The following EML6 variants were observed in gnomAD, a reference collection of about 807,000 sequenced individuals.
EML6 encodes EMAP like 6.
A neutral mutation model predicts 240.1 loss-of-function variants in EML6; 154 were observed. The observed-to-expected ratio is 0.64, with a 90% CI of 0.56 to 0.73. The LOEUF is 0.73. EML6 is among the 30% of genes least tolerant of loss of function. EML6 has a pLI of 0.00. For missense variants in EML6, 2,964 were observed against 2,474.6 expected (o/e 1.20, Z -4.20); for synonymous variants, 1,148 against 899.0 (o/e 1.28, Z -4.95).
chr2:54,834,294 T>A (rs1669021568), intron 7 of EML6, among the ~76,000 whole-genome samples: 2 of 152,200 alleles, frequency 1.3e-5, no homozygotes, highest in Non-Finnish European at 2.9e-5. Flanking sequence ...CTGATCACTT[T>A]TAAAACACAT....
At chr2:54,762,907 C>A (rs574235213) in intron 2 of EML6, among the ~76,000 whole-genome samples, 5 of 152,152 alleles carry the variant, frequency 3.3e-5, no homozygotes, top group Admixed American at 3.3e-4. Flanking sequence ...ACCTTTTCAG[C>A]AGATGGAGCT....
At chr2:54,729,255 C>G (rs1055783444) in intron 2 of EML6, among the ~76,000 whole-genome samples, 1 of 152,356 alleles carries the variant, frequency 6.6e-6, no homozygotes, top group Admixed American at 6.5e-5. Flanking sequence ...AGTCTCACCT[C>G]TCCCATGAGA....
rs112651530 is a variant in EML6, at chr2:54,751,001, T to C, written c.197+25743T>C. On this transcript the variant is annotated intron_variant, in intron 2 of 41. Coordinates refer to ENST00000356458, the MANE Select transcript of EML6 (RefSeq NM_001039753.4). ...GTTGAGCTTACTAAAACAATATGTA[T>C]TTCAAAGTGGTAGTTACAAGAAAGC... Among the ~76,000 whole-genome samples the C allele has an allele frequency of 3.6e-3, 552 of 152,302 alleles. 6 individuals are homozygous for C. Among genetic ancestry groups the C allele is most frequent in the African/African-American group, 0.013 (525 of 41,558 alleles).
At position 54,892,615 on chromosome 2, in the gene EML6, G is replaced by A. The variant is rs1395175356; in HGVS notation, c.2701G>A (p.Ala901Thr). 8 of 1,551,662 alleles carry A rather than the reference G, an allele frequency of 5.2e-6. No homozygotes were observed. The highest frequency in any genetic ancestry group is 2.4e-5 in the East Asian group (1 of 40,918). ...KDILLLKTVK[A>T]HDGPVFAMYA... is the part of the protein sequence containing the mutation. Reference sequence around the variant, plus strand: ...CATTCTACTACTGAAGACAGTGAAAGCTCATGATGGGCCTGTGTTTGCTAT... The same window carrying A: ...CATTCTACTACTGAAGACAGTGAAAACTCATGATGGGCCTGTGTTTGCTAT... Residue 901 changes from alanine (A) to threonine (T), a missense_variant, in exon 19 of 42, where the codon GCT becomes ACT. By Grantham distance (58) the Ala-to-Thr change is moderately conservative. Coordinates refer to ENST00000356458, the MANE Select transcript of EML6 (RefSeq NM_001039753.4).
chr2:54,771,629 C>T (rs563680786), intron 2 of EML6, among the ~76,000 whole-genome samples: 4 of 152,352 alleles, frequency 2.6e-5, no homozygotes, highest in African/African-American at 9.6e-5. Context: ...GTAGCTATCA[C>T]ATATGTGTGT....
At chr2:54,820,306 T>G (rs567713701) in intron 4 of EML6, 88 bp from the exon 5 acceptor site, 1 of 742,478 alleles carries the variant, frequency 1.3e-6, no homozygotes. Flanking sequence ...CTAAATGTTA[T>G]AGTAGAGTCT....
At chr2:54,736,207 C>T (rs1280961512) in intron 2 of EML6, among the ~76,000 whole-genome samples, 1 of 152,222 alleles carries the variant, frequency 6.6e-6, no homozygotes, top group Non-Finnish European at 1.5e-5. Flanking sequence ...CCAGTGAGTT[C>T]ATTTAAACAA....
intron 7 of EML6, among the ~76,000 whole-genome samples, chr2:54,842,329 T>A (rs1669503947): frequency 6.6e-6 from 1 of 152,236 alleles, no homozygotes; most frequent in Admixed American, 6.5e-5. Flanking sequence ...AACTATTTAG[T>A]AGGTCTTTCA....
intron 26 of EML6, among the ~76,000 whole-genome samples, chr2:54,918,715 C>G (rs919774315): frequency 6.6e-6 from 1 of 152,170 alleles, no homozygotes; most frequent in Non-Finnish European, 1.5e-5. Flanking sequence ...AAATTTACCC[C>G]CCTGTACAGT....
chr2:54,866,700 A>T, intron 13 of EML6, 66 bp from the exon 14 acceptor site: 1 of 811,416 alleles, frequency 1.2e-6, no homozygotes, highest in Non-Finnish European at 2.0e-6. Context: ...CAAGAATGTC[A>T]AGATGCTGAT....
At chr2:54,735,242 G>A (rs997181266) in intron 2 of EML6, among the ~76,000 whole-genome samples, 7 of 152,168 alleles carry the variant, frequency 4.6e-5, no homozygotes, top group African/African-American at 1.4e-4. Flanking sequence ...TCATTGCATC[G>A]TGTTGCATTT....
intron 16 of EML6, among the ~76,000 whole-genome samples, chr2:54,874,984 TCTC>T (rs1008109762): frequency 1.3e-5 from 2 of 152,030 alleles, no homozygotes; most frequent in African/African-American, 4.8e-5. Context: ...TGCCAGGAGT[TCTC>T]CTAGGTGTCA....
At chr2:54,845,620 G>T (rs994395391) in intron 8 of EML6, among the ~76,000 whole-genome samples, 1 of 152,194 alleles carries the variant, frequency 6.6e-6, no homozygotes, top group African/African-American at 2.4e-5. Context: ...AGGAGTGATG[G>T]TTTCTTTACT....
At chr2:54,831,600 C>T (rs1425208907) in intron 7 of EML6, among the ~76,000 whole-genome samples, 2 of 152,190 alleles carry the variant, frequency 1.3e-5, no homozygotes, top group South Asian at 2.1e-4. Flanking sequence ...ACTGGGAACC[C>T]GAAACAAGCC....
At chr2:54,963,316 C>T (rs865970234) in intron 36 of EML6, among the ~76,000 whole-genome samples, 22 of 152,318 alleles carry the variant, frequency 1.4e-4, no homozygotes, top group African/African-American at 4.8e-4. Context: ...GGTTGCTAGA[C>T]TTTTAAGTTA....
At chr2:54,770,439 T>C (rs1572876770) in intron 2 of EML6, among the ~76,000 whole-genome samples, 1 of 152,232 alleles carries the variant, frequency 6.6e-6, no homozygotes, top group Non-Finnish European at 1.5e-5. Flanking sequence ...CATTTGGTCA[T>C]TGACCTTAAA....
chr2:54,759,803 C>G (rs141070902), intron 2 of EML6, among the ~76,000 whole-genome samples: 16 of 151,714 alleles, frequency 1.1e-4, no homozygotes, highest in African/African-American at 3.9e-4. Flanking sequence ...TAAGGTGATC[C>G]AAGAGTGAAG....
chr2:54,774,066 A>G lies in EML6; in HGVS notation c.198-39166A>G, dbSNP rs1464411234. Among the ~76,000 whole-genome samples, 3 of 152,180 alleles carry G rather than the reference A, an allele frequency of 2.0e-5. No homozygotes were observed. The highest frequency in any genetic ancestry group is 4.4e-5 in the Non-Finnish European group (3 of 68,030). On this transcript the variant is annotated intron_variant, in intron 2 of 41. Coordinates refer to ENST00000356458, the MANE Select transcript of EML6 (RefSeq NM_001039753.4). This position sits in a 1 kb window ranked among gnomAD's most constrained non-coding sequence, Gnocchi z 4.1. ...GGCACTGCTAAGAACACTTCCTGGA[A>G]GTTGCACACATGACTTCCATTTTCA...
At position 54,971,617 on chromosome 2, in the gene EML6, A is replaced by G. The variant is rs532039244; in HGVS notation, c.*1522A>G. Reference sequence around the variant, plus strand: ...ATATGCCAATTTACTAATGCCTTACATCAATCCACTAATAGGTTGTTGGGC... The same window carrying G: ...ATATGCCAATTTACTAATGCCTTACGTCAATCCACTAATAGGTTGTTGGGC... On this transcript the variant is annotated 3_prime_UTR_variant, in exon 42 of 42. Coordinates refer to ENST00000356458, the MANE Select transcript of EML6 (RefSeq NM_001039753.4). 6.6e-6 allele frequency: 1 copy of G among 152,190 alleles called. No individual in the cohort carries two copies. Among genetic ancestry groups the G allele is most frequent in the Admixed American group, 6.5e-5 (1 of 15,278 alleles). 9.4% of individuals were successfully genotyped at this position (152,190 alleles called of 1,614,324 possible).
Sources: gnomAD v4.1 joint callset for allele counts (sites outside exome capture counted in the v4.1 genomes callset) on GRCh38, gnomAD v4.1.1 for gene constraint, Gnocchi (gnomAD v3.1) non-coding constraint, MANE v1.5 for transcripts, NCBI Gene and HGNC (gene_info 2026-07-23, HGNC 2026-07-21) for gene names.